Variants in ZNF709 observed in about 807,000 individuals in gnomAD.
ZNF709 encodes the protein zinc finger protein 709.
ZNF709 carries 15 observed loss-of-function variants against 10.6 expected under a neutral mutation model. The observed-to-expected ratio is 1.41, with a 90% CI of 0.95 to 2.18. The LOEUF is 2.18. ZNF709 is among the 30% of genes most tolerant of loss of function. The pLI, the probability that ZNF709 is intolerant of heterozygous loss-of-function variation, is 0.00. For synonymous variants in ZNF709, 194 were observed against 238.8 expected (o/e 0.81, Z 1.73); for missense variants, 589 against 774.0 (o/e 0.76, Z 2.84).
rs759132117 is a variant in ZNF709, at chr19:12,466,777, T to C, written c.77A>G (p.Lys26Arg). ...EEWALLGPSQ[K>R]KLYRDVMQET... ...TTGCATCACATCTCTGTAGAGTTTC[T>C]TCTGAGAGGGACCCAGCAAAGCCCA... The change falls in exon 2 of 4, where the codon AAG becomes AGG. Residue 26 changes from lysine to arginine, a missense_variant. By Grantham distance (26) the Lys-to-Arg change is conservative. Around this residue, in one of 2 missense-constraint regions of ZNF709, gnomAD observed 418 missense variants for 496.3 expected, o/e 0.84. Transcript: ENST00000397732. 3 of 1,614,056 alleles carry C rather than the reference T, an allele frequency of 1.9e-6. No homozygotes were observed. In the South Asian group the frequency reaches 3.3e-5, roughly 18 times the overall value.
At chr19:12,465,941 C>CTT (rs67044147) in intron 3 of ZNF709, among the ~76,000 whole-genome samples, 3 of 136,324 alleles carry the variant, frequency 2.2e-5, no homozygotes, top group African/African-American at 5.3e-5. Flanking sequence ...GAGTTTATTT[C>CTT]TTTTTTTTTT....
At chr19:12,478,942 G>A (rs1158059657) in intron 1 of ZNF709, among the ~76,000 whole-genome samples, 2 of 152,164 alleles carry the variant, frequency 1.3e-5, no homozygotes, top group Non-Finnish European at 2.9e-5. Context: ...GAACCAACAT[G>A]AGTATGAAAA....
chr19:12,467,143 CG>C (rs1258529389), intron 1 of ZNF709, among the ~76,000 whole-genome samples: 1 of 152,180 alleles, frequency 6.6e-6, no homozygotes, highest in Non-Finnish European at 1.5e-5. Context: ...CCTCTCCCCA[CG>C]GTCTCCCTCT....
At chr19:12,471,733 G>C (rs572142113) in intron 1 of ZNF709, among the ~76,000 whole-genome samples, 11 of 152,344 alleles carry the variant, frequency 7.2e-5, no homozygotes, top group African/African-American at 2.6e-4. Flanking sequence ...AATATATGCA[G>C]AAGGGACACA....
intron 1 of ZNF709, chr19:12,481,113 T>C (rs959018263): frequency 1.1e-6 from 1 of 945,756 alleles, no homozygotes; most frequent in East Asian, 1.2e-4. Flanking sequence ...CTCTATGACA[T>C]GCACATACAA....
At chr19:12,481,256 A>T (rs1195674531) in intron 1 of ZNF709, 5 of 865,862 alleles carry the variant, frequency 5.8e-6, no homozygotes, top group Non-Finnish European at 5.5e-6. Flanking sequence ...TTTGAGATGG[A>T]GTCCTGCTCT....
chr19:12,464,428 G>C lies in ZNF709; in HGVS notation c.1494C>G (p.His498Gln), dbSNP rs1158590418. The C allele has an allele frequency of 6.2e-7, 1 of 1,613,022 alleles. No individual in the cohort carries two copies. Among genetic ancestry groups the C allele is most frequent in the Non-Finnish European group, 8.5e-7 (1 of 1,179,482 alleles). The part of the protein sequence containing the change: ...SSSFRMHERT[H>Q]TGEKPYECKQ... Reference sequence around the variant, plus strand: ...TACATTCATAGGGTTTCTCTCCAGTGTGAGTCCTTTCATGCATCCGAAAGG... The same window carrying C: ...TACATTCATAGGGTTTCTCTCCAGTCTGAGTCCTTTCATGCATCCGAAAGG... Residue 498 changes from histidine (H) to glutamine (Q), a missense_variant, in exon 4 of 4, where the codon CAC (histidine) becomes CAG (glutamine). His to Gln is a conservative substitution (Grantham distance 24). Coordinates refer to ENST00000397732, the MANE Select transcript of ZNF709 (RefSeq NM_152601.4).
intron 1 of ZNF709, among the ~76,000 whole-genome samples, chr19:12,481,561 T>A (rs976450357): frequency 6.6e-6 from 1 of 152,136 alleles, no homozygotes; most frequent in Non-Finnish European, 1.5e-5. Flanking sequence ...TTTTCTTGCC[T>A]TAGTTGCATC....
chr19:12,472,611 G>A (rs988645545), intron 1 of ZNF709, among the ~76,000 whole-genome samples: 2 of 151,918 alleles, frequency 1.3e-5, no homozygotes, highest in South Asian at 2.1e-4. Context: ...GGCTGGGCAC[G>A]GTGGCTCACG....
Position 12,464,882 on chromosome 19 carries a change from G to C in ZNF709, c.1040C>G (p.Ser347Cys). ...CATATGTCTTCGATAGCTTGGAAGA[G>C]AAATGAATGCTTTCCCACATTCCTT... ...DCKECGKAFISLPSYRRHMIM... is the reference protein window; with the variant it reads ...DCKECGKAFICLPSYRRHMIM... Residue 347 changes from serine (S) to cysteine (C), a missense_variant, in exon 4 of 4, where the codon TCT becomes TGT. Ser to Cys is a moderately radical substitution (Grantham distance 112). This residue lies in a region of ZNF709 where 418 missense variants were observed against 496.3 expected (regional missense o/e 0.84). Transcript: ENST00000397732. 6.2e-7 allele frequency: 1 copy of C among 1,613,734 alleles called. No individual in the cohort carries two copies. The highest frequency in any genetic ancestry group is 1.1e-5 in the South Asian group (1 of 91,040).
At position 12,467,598 on chromosome 19, in the gene ZNF709, G is replaced by A. The variant is rs1483595469; in HGVS notation, c.4-748C>T. 4.6e-5 allele frequency among the ~76,000 whole-genome samples: 7 copies of A among 152,136 alleles called. No homozygotes were observed. In the East Asian group the frequency reaches 9.7e-4, roughly 21 times the overall value. On this transcript the variant is annotated intron_variant, in intron 1 of 3. Coordinates refer to ENST00000397732, the MANE Select transcript of ZNF709 (RefSeq NM_152601.4). Reference sequence around the variant, plus strand: ...AAGTGAGGAGCGTCTCTGCCTGGCCGCCCATCGTCTGGGATGTGAGGAGCC... The same window carrying A: ...AAGTGAGGAGCGTCTCTGCCTGGCCACCCATCGTCTGGGATGTGAGGAGCC...
intron 1 of ZNF709, among the ~76,000 whole-genome samples, chr19:12,476,753 A>G (rs537188403): frequency 1.3e-5 from 2 of 152,366 alleles, no homozygotes; most frequent in South Asian, 2.1e-4. Context: ...TAGTAGTGTC[A>G]GGGATGGAGC....
chr19:12,482,222 C>T (rs1185635878), intron 1 of ZNF709, among the ~76,000 whole-genome samples: 1 of 151,950 alleles, frequency 6.6e-6, no homozygotes, highest in East Asian at 1.9e-4. Context: ...CCCTCTCCCT[C>T]TCAAGTCAGC....
At chr19:12,481,717 A>C (rs1468404187) in intron 1 of ZNF709, among the ~76,000 whole-genome samples, 1 of 152,120 alleles carries the variant, frequency 6.6e-6, no homozygotes, top group African/African-American at 2.4e-5. Context: ...GGGAAAAAAA[A>C]ACACCAGCCT....
At chr19:12,481,910 TAA>T (rs34258868) in intron 1 of ZNF709, among the ~76,000 whole-genome samples, 251 of 118,172 alleles carry the variant, frequency 2.1e-3, no homozygotes, top group African/African-American at 7.1e-3. Context: ...GACACTGACT[TAA>T]AAAAAAAAAA....
At chr19:12,467,863 C>T (rs552405315) in intron 1 of ZNF709, among the ~76,000 whole-genome samples, 1 of 151,242 alleles carries the variant, frequency 6.6e-6, no homozygotes, top group East Asian at 2.0e-4. Context: ...AGACCCTCCT[C>T]CTGGCAGCCA....
At position 12,464,853 on chromosome 19, in the gene ZNF709, T is replaced by A. The variant is rs760464242; in HGVS notation, c.1069A>T (p.Met357Leu). 5.6e-6 allele frequency: 9 copies of A among 1,614,078 alleles called. No homozygotes were observed. In the South Asian group the frequency reaches 9.9e-5, roughly 18 times the overall value. Reference sequence around the variant, plus strand: ...TTATAAGGTCCATTTCCAGTGTGCATTATCATATGTCTTCGATAGCTTGGA... The same window carrying A: ...TTATAAGGTCCATTTCCAGTGTGCAATATCATATGTCTTCGATAGCTTGGA... ...SLPSYRRHMI[M>L]HTGNGPYKCK... Residue 357 changes from methionine to leucine, a missense_variant, in exon 4 of 4, where the codon ATG becomes TTG. Physicochemically the swap from Met to Leu is conservative, Grantham distance 15 (BLOSUM62 2). Coordinates refer to ENST00000397732, the MANE Select transcript of ZNF709 (RefSeq NM_152601.4).
At chr19:12,468,931 C>T (rs1005207190) in intron 1 of ZNF709, among the ~76,000 whole-genome samples, 1 of 151,986 alleles carries the variant, frequency 6.6e-6, no homozygotes, top group Non-Finnish European at 1.5e-5. Context: ...AGCTCTGCCT[C>T]CCGGGTTCAC....
At chr19:12,477,327 T>G (rs1970685396) in intron 1 of ZNF709, among the ~76,000 whole-genome samples, 1 of 152,222 alleles carries the variant, frequency 6.6e-6, no homozygotes, top group South Asian at 2.1e-4. Flanking sequence ...ATAACTAATT[T>G]AACTGGGGAG....
Sources: gnomAD v4.1 joint callset for allele counts (sites outside exome capture counted in the v4.1 genomes callset) on GRCh38, gnomAD v4.1.1 for gene constraint, gnomAD v4.1.1 regional missense constraint, MANE v1.5 for transcripts, NCBI Gene and HGNC (gene_info 2026-07-23, HGNC 2026-07-21) for gene names.